Variants in DTNB observed in about 807,000 individuals in gnomAD.
DTNB encodes dystrobrevin beta.
In DTNB, 63 loss-of-function variants were observed where a neutral mutation model predicts 90.7. That is an observed-to-expected ratio of 0.69 (90% CI 0.57 to 0.86). The LOEUF (loss-of-function observed/expected upper bound fraction) is 0.86, where lower values mean the gene tolerates loss of function less well. Ranked by LOEUF, DTNB falls within the 40% of genes least tolerant of loss-of-function variation. The pLI, the probability that DTNB is intolerant of heterozygous loss-of-function variation, is 0.00. For synonymous variants in DTNB, 277 were observed against 286.7 expected (o/e 0.97, Z 0.34); for missense variants, 744 against 807.1 (o/e 0.92, Z 0.95).
chr2:25,388,964 A>C (rs1487633558), intron 16 of DTNB, among the ~76,000 whole-genome samples: 1 of 152,088 alleles, frequency 6.6e-6, no homozygotes, highest in African/African-American at 2.4e-5. Flanking sequence ...CTCCTGCTTC[A>C]GCCTCCCGAG....
At chr2:25,627,724 C>T (rs543585179) in intron 4 of DTNB, among the ~76,000 whole-genome samples, 20 of 150,704 alleles carry the variant, frequency 1.3e-4, no homozygotes, top group African/African-American at 4.9e-4. Flanking sequence ...GGGCTTACAC[C>T]GAATAATTTT....
intron 14 of DTNB, chr2:25,427,924 T>A (rs2052411653): frequency 4.8e-6 from 1 of 206,736 alleles, no homozygotes; most frequent in African/African-American, 2.3e-5. Flanking sequence ...AATCAATGCC[T>A]TTTGAAAAAT....
At chr2:25,497,887 G>A (rs1005986358) in intron 9 of DTNB, among the ~76,000 whole-genome samples, 20 of 152,280 alleles carry the variant, frequency 1.3e-4, no homozygotes, top group African/African-American at 4.1e-4. Context: ...ACTGGTTCAT[G>A]GGTGTCCAGG....
chr2:25,469,074 T>G (rs2062307165), intron 10 of DTNB, among the ~76,000 whole-genome samples: 1 of 152,188 alleles, frequency 6.6e-6, no homozygotes, highest in South Asian at 2.1e-4. Flanking sequence ...GTGCCCAGCC[T>G]TGAGAGGAAT....
intron 2 of DTNB, among the ~76,000 whole-genome samples, chr2:25,642,119 C>A (rs2078463332): frequency 6.6e-6 from 1 of 151,780 alleles, no homozygotes; most frequent in African/African-American, 2.4e-5. Flanking sequence ...CACACCCAGC[C>A]CAAAGTCTTT....
intron 1 of DTNB, chr2:25,652,879 A>G: frequency 4.4e-6 from 2 of 457,404 alleles, no homozygotes; most frequent in South Asian, 3.8e-5. Flanking sequence ...TACTTGTATG[A>G]GCTCATACAC....
At chr2:25,492,268 AG>A (rs2067701825) in intron 9 of DTNB, among the ~76,000 whole-genome samples, 1 of 152,204 alleles carries the variant, frequency 6.6e-6, no homozygotes, top group Non-Finnish European at 1.5e-5. Context: ...AGAGCTTAAC[AG>A]GATTAACTTT....
At chr2:25,537,408 G>A (rs557090023) in intron 8 of DTNB, among the ~76,000 whole-genome samples, 2 of 152,186 alleles carry the variant, frequency 1.3e-5, no homozygotes, top group Non-Finnish European at 2.9e-5. Context: ...CCATGAAATA[G>A]AAAGGTAAAA....
intron 12 of DTNB, among the ~76,000 whole-genome samples, chr2:25,450,561 AAC>A (rs1479610810): frequency 1.3e-5 from 2 of 152,226 alleles, no homozygotes; most frequent in Admixed American, 6.5e-5. Flanking sequence ...ACATTTTAAA[AAC>A]AGTTTGCTAA....
intron 12 of DTNB, among the ~76,000 whole-genome samples, chr2:25,442,620 T>G: frequency 6.6e-6 from 1 of 152,220 alleles, no homozygotes; most frequent in East Asian, 1.9e-4. Context: ...AAAAACCAAT[T>G]TACTTAGCAC....
At chr2:25,539,761 GT>G (rs958734798) in intron 8 of DTNB, among the ~76,000 whole-genome samples, 1 of 151,528 alleles carries the variant, frequency 6.6e-6, no homozygotes, top group African/African-American at 2.4e-5. Flanking sequence ...TTTATATTCT[GT>G]TCTTTTTGTA....
intron 12 of DTNB, among the ~76,000 whole-genome samples, chr2:25,445,803 G>C (rs554033582): frequency 1.4e-4 from 22 of 152,048 alleles, no homozygotes; most frequent in South Asian, 2.1e-4. Flanking sequence ...TTTGCATCTA[G>C]GTTTAATTCC....
intron 8 of DTNB, among the ~76,000 whole-genome samples, chr2:25,545,004 T>C (rs539763839): frequency 2.0e-5 from 3 of 152,242 alleles, no homozygotes; most frequent in Admixed American, 2.0e-4. Flanking sequence ...GAAATCTGGA[T>C]TGATCTTTTT....
rs552795332 is a variant in DTNB at position 25,443,793 on chromosome 2, G to C, written c.1257+7755C>G. 4.0e-4 allele frequency among the ~76,000 whole-genome samples: 61 copies of C among 152,360 alleles called. 2 individuals are homozygous for C. The South Asian group carries it at 0.011, about 27-fold the overall frequency. ...CCAGAGATTCTGATTCAGAAGGTCT[G>C]AGGCAAAGCCAAGGATCTATATATT... On this transcript the variant is annotated intron_variant, in intron 12 of 20. Transcript: ENST00000406818.
At chr2:25,565,490 T>C (rs2058889161) in intron 8 of DTNB, among the ~76,000 whole-genome samples, 1 of 152,122 alleles carries the variant, frequency 6.6e-6, no homozygotes, top group Admixed American at 6.5e-5. Flanking sequence ...CTTCAAGTGA[T>C]TCTCCCTCCT....
At chr2:25,383,263 C>T (rs958758374) in intron 19 of DTNB, among the ~76,000 whole-genome samples, 21 of 144,550 alleles carry the variant, frequency 1.5e-4, no homozygotes, top group Admixed American at 9.9e-4. Context: ...TTGCCCAGGA[C>T]GGAGTGCAGT....
rs148623414 is a variant in DTNB at position 25,606,056 on chromosome 2, G to T, written c.448+1180C>A. Among the ~76,000 whole-genome samples the T allele has an allele frequency of 3.9e-5, 6 of 152,102 alleles. No individual in the cohort carries two copies. The East Asian group carries it at 1.2e-3, about 29-fold the overall frequency. On this transcript the variant is annotated intron_variant, in intron 5 of 20. Coordinates refer to ENST00000406818, the MANE Select transcript of DTNB (RefSeq NM_021907.5). ...GAATATCTAAATCTATATCTAATGGGCCATCTAGCTTTCCAACTTTCAGTG... is the reference window on the plus strand; with the variant it reads ...GAATATCTAAATCTATATCTAATGGTCCATCTAGCTTTCCAACTTTCAGTG...
chr2:25,592,650 TA>T (rs553353162), intron 6 of DTNB, among the ~76,000 whole-genome samples: 135 of 151,870 alleles, frequency 8.9e-4, no homozygotes, highest in African/African-American at 3.1e-3. Flanking sequence ...TTCATATCAT[TA>T]AAAAAAAGCA....
intron 12 of DTNB, among the ~76,000 whole-genome samples, chr2:25,446,135 C>G (rs935767543): frequency 6.6e-6 from 1 of 152,112 alleles, no homozygotes; most frequent in African/African-American, 2.4e-5. Flanking sequence ...CTCCTTTTGA[C>G]AGTTCATCTA....
Sources: allele counts gnomAD v4.1 joint callset (sites outside exome capture counted in the v4.1 genomes callset), GRCh38; gene constraint gnomAD v4.1.1; transcripts MANE v1.5; gene names NCBI Gene and HGNC (gene_info 2026-07-23, HGNC 2026-07-21).